DOCK1: variants seen among roughly 807,000 people sequenced by gnomAD.
DOCK1 encodes the protein dedicator of cytokinesis 1, also known as dedicator of cytokinesis protein 1.
Under a neutral mutation model 262.7 loss-of-function variants are expected in DOCK1, and 138 were observed. That is an observed-to-expected ratio of 0.53 (90% confidence interval 0.46 to 0.61). The LOEUF (loss-of-function observed/expected upper bound fraction) is 0.61. DOCK1 is among the 20% of genes least tolerant of loss of function. DOCK1 has a pLI of 0.00. For synonymous variants in DOCK1, 866 were observed against 867.4 expected (o/e 1.00, Z 0.03); for missense variants, 1,908 against 2,370.7 (o/e 0.80, Z 4.05).
chr10:127,424,845 C>T (rs770717412), intron 46 of DOCK1, among the ~76,000 whole-genome samples: 30 of 152,154 alleles, frequency 2.0e-4, no homozygotes, highest in Non-Finnish European at 3.8e-4. Flanking sequence ...ACTTTTGTGT[C>T]GGTGCAGCCT....
intron 1 of DOCK1, among the ~76,000 whole-genome samples, chr10:126,939,591 C>T (rs1343376888): frequency 6.6e-6 from 1 of 152,164 alleles, no homozygotes; most frequent in Non-Finnish European, 1.5e-5. Flanking sequence ...TAATCACTCA[C>T]CTCAGGTGAT....
chr10:126,994,089 TC>T (rs780513686), intron 6 of DOCK1, among the ~76,000 whole-genome samples: 2 of 152,208 alleles, frequency 1.3e-5, no homozygotes, highest in East Asian at 3.9e-4. Flanking sequence ...AGGAATATAA[TC>T]CTAACGGGTA....
chr10:127,377,856 C>T (rs1209025941), intron 35 of DOCK1, among the ~76,000 whole-genome samples: 1 of 143,058 alleles, frequency 7.0e-6, no homozygotes, highest in Admixed American at 7.3e-5. Flanking sequence ...CACACCACTG[C>T]ACTCCAGCCT....
chr10:127,387,221 T>A (rs2066177750), intron 38 of DOCK1, among the ~76,000 whole-genome samples: 1 of 152,244 alleles, frequency 6.6e-6, no homozygotes, highest in Admixed American at 6.5e-5. Context: ...CCTTGCCCTC[T>A]GCATTCCAGC....
At chr10:127,016,843 C>G (rs200575991) in intron 12 of DOCK1, among the ~76,000 whole-genome samples, 7 of 77,290 alleles carry the variant, frequency 9.1e-5, no homozygotes, top group Non-Finnish European at 1.9e-4. Flanking sequence ...CACATACACA[C>G]ACACAGATAC....
At chr10:127,116,683 G>A (rs2483860) in intron 25 of DOCK1, among the ~76,000 whole-genome samples, 115,563 of 152,156 alleles carry the variant, frequency 0.76, 45,778 homozygotes, top group South Asian at 0.89. Flanking sequence ...GAGCTTTACT[G>A]TTGTGGAAAA....
At chr10:127,305,008 C>G (rs961933546) in intron 29 of DOCK1, among the ~76,000 whole-genome samples, 1 of 152,182 alleles carries the variant, frequency 6.6e-6, no homozygotes, top group Admixed American at 6.5e-5. Context: ...CGTGGTTCCA[C>G]TGATGAGCTT....
rs1289844349 is a variant in DOCK1 at position 127,451,503 on chromosome 10, T to C, written c.*76T>C. ...CCTCTCCTTCTGTGTCCCCTGAGTC[T>C]GCTGTTTACCTCATTGGGCCTGTGA... On this transcript the variant is annotated 3_prime_UTR_variant, in exon 52 of 52. Transcript: ENST00000623213. 1 of 1,544,430 alleles carries C rather than the reference T, an allele frequency of 6.5e-7. No homozygotes were observed. Among genetic ancestry groups the C allele is most frequent in the East Asian group, 2.4e-5 (1 of 40,840 alleles).
At chr10:127,219,531 C>G (rs900017002) in intron 27 of DOCK1, among the ~76,000 whole-genome samples, 1 of 152,138 alleles carries the variant, frequency 6.6e-6, no homozygotes, top group African/African-American at 2.4e-5. Flanking sequence ...TTTAAGTGTA[C>G]AGTTCAATAT....
At chr10:127,149,620 C>T (rs1399780370) in intron 27 of DOCK1, among the ~76,000 whole-genome samples, 3 of 152,038 alleles carry the variant, frequency 2.0e-5, no homozygotes, top group African/African-American at 7.2e-5. Context: ...AATTGGGTTT[C>T]GAGTGAAAAG....
chr10:127,247,936 C>T, intron 27 of DOCK1, 72 bp from the exon 28 acceptor site: 1 of 1,456,236 alleles, frequency 6.9e-7, no homozygotes, highest in Non-Finnish European at 9.5e-7. Context: ...GTCCCAGAAT[C>T]TGGGATGATT....
chr10:127,256,696 G>A (rs1274949613), intron 28 of DOCK1, among the ~76,000 whole-genome samples: 5 of 152,146 alleles, frequency 3.3e-5, no homozygotes, highest in Non-Finnish European at 2.9e-5. Flanking sequence ...GGGTGTGTAC[G>A]GAACCCTGCT....
At chr10:127,316,068 G>A (rs1329914320) in intron 29 of DOCK1, among the ~76,000 whole-genome samples, 1 of 152,076 alleles carries the variant, frequency 6.6e-6, no homozygotes, top group Non-Finnish European at 1.5e-5. Flanking sequence ...GCCTACAATG[G>A]GATGTGTTGA....
At chr10:127,416,015 G>A (rs1171351079) in intron 44 of DOCK1, among the ~76,000 whole-genome samples, 3 of 152,188 alleles carry the variant, frequency 2.0e-5, no homozygotes, top group Non-Finnish European at 2.9e-5. Flanking sequence ...GAGTCCCCCC[G>A]AAACACCTGA....
At chr10:126,965,419 C>T (rs1327401873) in intron 1 of DOCK1, among the ~76,000 whole-genome samples, 2 of 151,974 alleles carry the variant, frequency 1.3e-5, no homozygotes, top group Non-Finnish European at 2.9e-5. Context: ...GAATGCTCGG[C>T]GAAATGGTCC....
At chr10:127,438,490 G>A (rs1008753053) in intron 48 of DOCK1, among the ~76,000 whole-genome samples, 1 of 152,136 alleles carries the variant, frequency 6.6e-6, no homozygotes, top group African/African-American at 2.4e-5. Flanking sequence ...TTAGTTGCTG[G>A]CTGGAAACCT....
At position 127,068,760 on chromosome 10, in the gene DOCK1, T is replaced by C. The variant is rs1248658589; in HGVS notation, c.2445+6984T>C. Among the ~76,000 whole-genome samples the C allele has an allele frequency of 3.3e-5, 5 of 152,316 alleles. No homozygotes were observed. In the East Asian group the frequency reaches 7.7e-4, roughly 23 times the overall value. On this transcript the variant is annotated intron_variant, in intron 23 of 51. Coordinates refer to ENST00000623213, the MANE Select transcript of DOCK1 (RefSeq NM_001290223.2). ...ACACCCACACCTATATATACACACA[T>C]ATAAATGTAACATATGTATAGTATA...
At chr10:127,390,009 CAAACAA>C (rs2066379996) in intron 38 of DOCK1, among the ~76,000 whole-genome samples, 1 of 51,260 alleles carries the variant, frequency 2.0e-5, no homozygotes, top group Admixed American at 2.4e-4. Flanking sequence ...AACTCTGTCT[CAAACAA>C]AAAAAAAAAA....
At chr10:127,181,161 T>C (rs952458775) in intron 27 of DOCK1, among the ~76,000 whole-genome samples, 1 of 152,196 alleles carries the variant, frequency 6.6e-6, no homozygotes. Flanking sequence ...GAATTTCAAG[T>C]GTGTATATGT....
Sources: allele counts gnomAD v4.1 joint callset (sites outside exome capture counted in the v4.1 genomes callset), GRCh38; gene constraint gnomAD v4.1.1; transcripts MANE v1.5; gene names NCBI Gene and HGNC (gene_info 2026-07-23, HGNC 2026-07-21).